EBF3: variants seen among roughly 807,000 people sequenced by gnomAD.
The protein encoded by EBF3 is EBF transcription factor 3, also known as transcription factor COE3.
Under a neutral mutation model 77.1 loss-of-function variants are expected in EBF3, and 18 were observed. That is an observed-to-expected ratio of 0.23 (90% CI 0.16 to 0.35). The LOEUF (loss-of-function observed/expected upper bound fraction) is 0.35, where lower values mean the gene tolerates loss of function less well. Among genes scored for constraint, EBF3 ranks in the 10% least tolerant of loss-of-function variants. EBF3 has a pLI of 1.00. For synonymous variants in EBF3, 350 were observed against 343.5 expected, an observed-to-expected ratio of 1.02 and a Z score of -0.21; for missense variants, 558 against 860.0, an observed-to-expected ratio of 0.65 and a Z score of 4.39.
At chr10:129,839,541 C>T (rs1005021271) in intron 15 of EBF3, among the ~76,000 whole-genome samples, 2 of 152,160 alleles carry the variant, frequency 1.3e-5, no homozygotes, top group African/African-American at 2.4e-5. Flanking sequence ...GCCCTTCTCC[C>T]TCCTGATTCT....
At chr10:129,893,742 G>T (rs779631431) in intron 6 of EBF3, among the ~76,000 whole-genome samples, 2 of 152,180 alleles carry the variant, frequency 1.3e-5, no homozygotes, top group African/African-American at 4.8e-5. Context: ...TTTCTTCTGC[G>T]CTCCCCTCCT....
intron 6 of EBF3, among the ~76,000 whole-genome samples, chr10:129,904,026 A>G (rs1854967042): frequency 6.6e-6 from 1 of 152,208 alleles, no homozygotes. Flanking sequence ...ACTGAAGACC[A>G]TGACCCAAGT....
At chr10:129,954,544 C>G (rs1224463693) in intron 6 of EBF3, among the ~76,000 whole-genome samples, 1 of 151,954 alleles carries the variant, frequency 6.6e-6, no homozygotes, top group East Asian at 1.9e-4. Flanking sequence ...TGTGATTACC[C>G]TGCCAGAGCG....
At position 129,870,288 on chromosome 10, in the gene EBF3, G is replaced by A. The variant is rs1589751033; in HGVS notation, c.782-2376C>T. On this transcript the variant is annotated intron_variant, in intron 8 of 16. Transcript: ENST00000440978. The surrounding 1 kb of genome is among the most constrained non-coding windows in gnomAD (Gnocchi z 4.4). ...TAGCAAAATGAATTACACAGACAGC[G>A]TTAGAGATCTAATGATATACGCGCA... 2.0e-5 allele frequency among the ~76,000 whole-genome samples: 3 copies of A among 152,024 alleles called. No individual in the cohort carries two copies. The highest frequency in any genetic ancestry group is 4.4e-5 in the Non-Finnish European group (3 of 68,024).
At chr10:129,873,223 G>A (rs1251949952) in intron 8 of EBF3, among the ~76,000 whole-genome samples, 2 of 152,212 alleles carry the variant, frequency 1.3e-5, no homozygotes, top group Non-Finnish European at 2.9e-5. Flanking sequence ...AAACATGAAG[G>A]CCGTGGCAGG....
intron 4 of EBF3, among the ~76,000 whole-genome samples, chr10:129,961,937 G>A (rs1432499174): frequency 6.6e-6 from 1 of 152,196 alleles, no homozygotes; most frequent in Non-Finnish European, 1.5e-5. Context: ...GACAGAATAT[G>A]ATTCCAATCA....
chr10:129,844,953 C>T (rs1850350284), intron 11 of EBF3, among the ~76,000 whole-genome samples: 1 of 152,112 alleles, frequency 6.6e-6, no homozygotes, highest in African/African-American at 2.4e-5. Flanking sequence ...TTTTAAGCAA[C>T]GATTAAAGCA....
In EBF3 at chr10:129,842,948, C is replaced by T. The variant is rs546773416; in HGVS notation, c.1194+189G>A. ...AGTTTTTTCTGCTTTTGGGTCCTGACACCAACTCATCATTTCTACGTGAAC... is the reference window on the plus strand; with the variant it reads ...AGTTTTTTCTGCTTTTGGGTCCTGATACCAACTCATCATTTCTACGTGAAC... On this transcript the variant is annotated intron_variant, in intron 12 of 16. Transcript: ENST00000440978. The surrounding 1 kb of genome is among the most constrained non-coding windows in gnomAD (Gnocchi z 4.4). 2.0e-5 allele frequency among the ~76,000 whole-genome samples: 3 copies of T among 152,112 alleles called. No individual in the cohort carries two copies. The highest frequency in any genetic ancestry group is 1.9e-4 in the East Asian group (1 of 5,152).
rs571076169 is a variant in EBF3, at chr10:129,964,209, G to A, written c.-441C>T. The A allele has an allele frequency of 1.8e-5, 18 of 984,984 alleles. No homozygotes were observed. The highest frequency in any genetic ancestry group is 1.1e-4 in the East Asian group (1 of 8,786). 61.0% of individuals were successfully genotyped at this position (984,984 alleles called of 1,614,324 possible). A position where few individuals can be genotyped will look rare whatever the true frequency, so the allele number is the denominator to read the frequency against. ...GTCCCGGGCGCAGGCGGGGCGCGGC[G>A]GGGCCTGGAGCGGCGCGCGCAGCGG... On this transcript the variant is annotated 5_prime_UTR_variant, in exon 1 of 17. Coordinates refer to ENST00000440978, the MANE Select transcript of EBF3 (RefSeq NM_001375380.1). This position sits in a 1 kb window ranked among gnomAD's most constrained non-coding sequence, Gnocchi z 4.5.
intron 6 of EBF3, among the ~76,000 whole-genome samples, chr10:129,939,512 TTTTTG>T (rs1253374291): frequency 1.3e-5 from 2 of 152,188 alleles, no homozygotes; most frequent in Non-Finnish European, 2.9e-5. Flanking sequence ...GGGGTTTTTG[TTTTTG>T]TTTTTTGTTT....
At chr10:129,869,202 C>G (rs1852239491) in intron 8 of EBF3, among the ~76,000 whole-genome samples, 1 of 152,196 alleles carries the variant, frequency 6.6e-6, no homozygotes, top group South Asian at 2.1e-4. Context: ...CTTCTTTGTC[C>G]TGCCTTAGCA....
chr10:129,840,195 C>CAA, intron 15 of EBF3, 50 bp downstream of exon 15: 5 of 1,499,516 alleles, frequency 3.3e-6, no homozygotes, highest in Non-Finnish European at 4.5e-6. Flanking sequence ...CTCCCATCCC[C>CAA]ACCCCTGGAG....
At chr10:129,888,070 T>C (rs1349041842) in intron 6 of EBF3, among the ~76,000 whole-genome samples, 1 of 152,234 alleles carries the variant, frequency 6.6e-6, no homozygotes, top group African/African-American at 2.4e-5. Context: ...AGAAAAGGAC[T>C]TGAATTTCTT....
chr10:129,956,377 T>C (rs1401237866), intron 6 of EBF3, among the ~76,000 whole-genome samples: 1 of 152,230 alleles, frequency 6.6e-6, no homozygotes, highest in Non-Finnish European at 1.5e-5. Context: ...TGGGTACCAA[T>C]TTCAAAATCT....
At position 129,841,041 on chromosome 10, in the gene EBF3, A is replaced by ATCC; in HGVS notation, c.1373-12_1373-10dup. The ATCC allele has an allele frequency of 1.9e-6, 2 of 1,076,656 alleles. No homozygotes were observed. The highest frequency in any genetic ancestry group is 1.6e-5 in the South Asian group (1 of 62,180). 66.7% of individuals were successfully genotyped at this position (1,076,656 alleles called of 1,614,324 possible). On this transcript the variant is annotated splice_polypyrimidine_tract_variant and intron_variant, in intron 13 of 16. Transcript: ENST00000440978. The surrounding 1 kb of genome is among the most constrained non-coding windows in gnomAD (Gnocchi z 4.6). ...ATTGCGACTGTAGCCGACTGTTGAAATCCCCCCCCCGGCCAAAAATAACAT... is the reference window on the plus strand; with the variant it reads ...ATTGCGACTGTAGCCGACTGTTGAAATCCTCCCCCCCCCGGCCAAAAATAACAT...
chr10:129,869,078 C>T (rs1852232020), intron 8 of EBF3, among the ~76,000 whole-genome samples: 1 of 152,202 alleles, frequency 6.6e-6, no homozygotes, highest in African/African-American at 2.4e-5. Context: ...TACAGGTCTC[C>T]TTGCTGATGT....
intron 15 of EBF3, 73 bp downstream of exon 15, chr10:129,840,172 G>GCCCCCCCC: frequency 2.4e-4 from 352 of 1,456,006 alleles, no homozygotes; most frequent in Middle Eastern, 5.0e-4. Flanking sequence ...GAAAGGCCGA[G>GCCCCCCCC]CCCCCACCCC....
At chr10:129,911,889 G>A (rs1257959321) in intron 6 of EBF3, among the ~76,000 whole-genome samples, 2 of 152,164 alleles carry the variant, frequency 1.3e-5, no homozygotes, top group East Asian at 3.9e-4. Context: ...CAACTAGAGT[G>A]GGCAAAGGGG....
chr10:129,902,230 A>ATT (rs34324443), intron 6 of EBF3, among the ~76,000 whole-genome samples: 31,243 of 142,142 alleles, frequency 0.22, 3,668 homozygotes, highest in Middle Eastern at 0.28. Context: ...ACTTCCAGAC[A>ATT]TTTTTTTTTT....
Sources: gnomAD v4.1 joint callset for allele counts (sites outside exome capture counted in the v4.1 genomes callset) on GRCh38, gnomAD v4.1.1 for gene constraint, Gnocchi (gnomAD v3.1) non-coding constraint, MANE v1.5 for transcripts, NCBI Gene and HGNC (gene_info 2026-07-23, HGNC 2026-07-21) for gene names.